Variants in EXTL3 observed in about 807,000 individuals in gnomAD.
EXTL3 encodes the protein exostosin like glycosyltransferase 3.
A neutral mutation model predicts 69.3 loss-of-function variants in EXTL3; 27 were observed. The observed-to-expected ratio is 0.39, with a 90% CI of 0.29 to 0.54. The LOEUF is 0.54. EXTL3 is among the 20% of genes least tolerant of loss of function. The pLI, the probability that EXTL3 is intolerant of heterozygous loss-of-function variation, is 0.69. For synonymous variants in EXTL3, 511 were observed against 499.4 expected (o/e 1.02, Z -0.31); for missense variants, 1,003 against 1,231.8 (o/e 0.81, Z 2.78).
chr8:28,686,728 C>A (rs1807583735), intron 1 of EXTL3, among the ~76,000 whole-genome samples: 1 of 152,078 alleles, frequency 6.6e-6, no homozygotes, highest in Admixed American at 6.5e-5. Context: ...GGAGAAAGGA[C>A]AAGATAGACC....
At chr8:28,670,098 A>G (rs948774150) in intron 1 of EXTL3, among the ~76,000 whole-genome samples, 3 of 151,376 alleles carry the variant, frequency 2.0e-5, no homozygotes, top group Non-Finnish European at 2.9e-5. Flanking sequence ...GGTCCCAGCT[A>G]CTTGGGGAGC....
At chr8:28,742,851 A>G in intron 5 of EXTL3, 2 of 535,820 alleles carry the variant, frequency 3.7e-6, no homozygotes, top group South Asian at 3.9e-5. Flanking sequence ...GGGAGATGAT[A>G]TGACATTCTG....
At chr8:28,665,063 CTTTTTTTTTTTTTTTTTT>C (rs1222832851) in intron 1 of EXTL3, among the ~76,000 whole-genome samples, 1 of 62,398 alleles carries the variant, frequency 1.6e-5, no homozygotes, top group Non-Finnish European at 3.1e-5. Context: ...TTTTCCTTTA[CTTTTTTTTTTTTTTTTTT>C]TTTTTTTTGA....
intron 3 of EXTL3, among the ~76,000 whole-genome samples, chr8:28,729,479 C>T (rs2130768492): frequency 6.7e-6 from 1 of 150,156 alleles, no homozygotes; most frequent in South Asian, 2.1e-4. Context: ...GCCTGTAATC[C>T]CAGCTACTTG....
chr8:28,667,897 C>T (rs1053609933), intron 1 of EXTL3, among the ~76,000 whole-genome samples: 12 of 151,554 alleles, frequency 7.9e-5, no homozygotes, highest in Admixed American at 3.9e-4. Context: ...CTTGGCTGGG[C>T]GTGGTGGCTC....
intron 1 of EXTL3, among the ~76,000 whole-genome samples, chr8:28,709,102 A>G (rs1800979883): frequency 6.6e-6 from 1 of 152,190 alleles, no homozygotes; most frequent in South Asian, 2.1e-4. Flanking sequence ...AAAGGCATTA[A>G]AGGTATGAGC....
intron 6 of EXTL3, among the ~76,000 whole-genome samples, chr8:28,749,481 C>G (rs1318866053): frequency 6.6e-6 from 1 of 152,206 alleles, no homozygotes; most frequent in African/African-American, 2.4e-5. Context: ...GAGGCGTCCA[C>G]CCCTCCCTGC....
chr8:28,719,688 T>G (rs1165141341), intron 3 of EXTL3, among the ~76,000 whole-genome samples: 2 of 152,230 alleles, frequency 1.3e-5, no homozygotes, highest in Non-Finnish European at 1.5e-5. Context: ...AGTTCACTTT[T>G]TTTCTTTCTG....
At chr8:28,704,066 A>G (rs1204041473) in intron 1 of EXTL3, among the ~76,000 whole-genome samples, 1 of 152,140 alleles carries the variant, frequency 6.6e-6, no homozygotes, top group Non-Finnish European at 1.5e-5. Context: ...GTCCTTTTAA[A>G]TTTTCAGTCA....
intron 3 of EXTL3, among the ~76,000 whole-genome samples, chr8:28,730,615 T>C (rs1191309883): frequency 6.6e-6 from 1 of 152,222 alleles, no homozygotes; most frequent in Non-Finnish European, 1.5e-5. Flanking sequence ...GTGTTTTGAA[T>C]TGGGATTTGC....
At chr8:28,675,163 G>A (rs1054313167) in intron 1 of EXTL3, among the ~76,000 whole-genome samples, 1 of 152,144 alleles carries the variant, frequency 6.6e-6, no homozygotes, top group Non-Finnish European at 1.5e-5. Flanking sequence ...CCTGGGAGAG[G>A]CACCAAACAG....
intron 6 of EXTL3, among the ~76,000 whole-genome samples, chr8:28,747,251 G>A (rs1306590656): frequency 6.6e-6 from 1 of 152,196 alleles, no homozygotes; most frequent in Non-Finnish European, 1.5e-5. Flanking sequence ...CCGTGGAAGA[G>A]CAATAACTCA....
intron 1 of EXTL3, among the ~76,000 whole-genome samples, chr8:28,695,595 C>T (rs1030927081): frequency 2.6e-5 from 4 of 152,348 alleles, no homozygotes; most frequent in Non-Finnish European, 5.9e-5. Context: ...GAGCTTATCA[C>T]TGTGCACATG....
intron 1 of EXTL3, among the ~76,000 whole-genome samples, chr8:28,664,611 G>C (rs576866316): frequency 6.6e-6 from 1 of 152,094 alleles, no homozygotes; most frequent in South Asian, 2.1e-4. Flanking sequence ...CTTGAACTGT[G>C]TCGGATGATT....
chr8:28,670,705 T>C (rs1807272378), intron 1 of EXTL3, among the ~76,000 whole-genome samples: 1 of 152,198 alleles, frequency 6.6e-6, no homozygotes, highest in African/African-American at 2.4e-5. Context: ...CTTCAACTGT[T>C]TGGATGAGGC....
chr8:28,721,590 T>C (rs972831680), intron 3 of EXTL3, among the ~76,000 whole-genome samples: 1 of 152,252 alleles, frequency 6.6e-6, no homozygotes, highest in Non-Finnish European at 1.5e-5. Context: ...CACTCTCTAG[T>C]GCCTTCTGGA....
At chr8:28,633,020 T>C (rs986849869) in intron 1 of EXTL3, among the ~76,000 whole-genome samples, 1 of 152,200 alleles carries the variant, frequency 6.6e-6, no homozygotes, top group Non-Finnish European at 1.5e-5. Flanking sequence ...GAATGGTGTG[T>C]AAATTTTTAA....
At chr8:28,629,437 T>C (rs1467945090) in intron 1 of EXTL3, among the ~76,000 whole-genome samples, 1 of 152,084 alleles carries the variant, frequency 6.6e-6, no homozygotes, top group Admixed American at 6.6e-5. Context: ...CATTATCAAA[T>C]ATCTGAGGGC....
intron 1 of EXTL3, among the ~76,000 whole-genome samples, chr8:28,664,637 A>G (rs1009421182): frequency 6.6e-6 from 1 of 152,146 alleles, no homozygotes; most frequent in African/African-American, 2.4e-5. Context: ...TAGAATCCAG[A>G]GTTCAAGATA....
Sources: gnomAD v4.1 joint callset for allele counts (sites outside exome capture counted in the v4.1 genomes callset) on GRCh38, gnomAD v4.1.1 for gene constraint, MANE v1.5 for transcripts, NCBI Gene and HGNC (gene_info 2026-07-23, HGNC 2026-07-21) for gene names.